SLC6A9: variants seen among roughly 807,000 people sequenced by gnomAD.
SLC6A9 encodes the protein solute carrier family 6 member 9.
Under a neutral mutation model 70.9 loss-of-function variants are expected in SLC6A9, and 31 were observed. The ratio of observed to expected loss-of-function variants is 0.44; its 90% confidence interval spans 0.33 to 0.59. SLC6A9 has a LOEUF of 0.59. SLC6A9 is among the 20% of genes least tolerant of loss of function. SLC6A9 has a pLI of 0.04. For missense variants in SLC6A9, 631 were observed against 845.2 expected, an observed-to-expected ratio of 0.75 and a Z score of 3.14; for synonymous variants, 310 against 341.3, an observed-to-expected ratio of 0.91 and a Z score of 1.01.
At chr1:44,000,041 T>C (rs1424670511) in intron 12 of SLC6A9, among the ~76,000 whole-genome samples, 1 of 152,264 alleles carries the variant, frequency 6.6e-6, no homozygotes, top group East Asian at 1.9e-4. Flanking sequence ...ATTGTGGCTC[T>C]GCCTCTTATT....
At chr1:44,016,057 C>A (rs2086730400) in intron 2 of SLC6A9, among the ~76,000 whole-genome samples, 1 of 152,228 alleles carries the variant, frequency 6.6e-6, no homozygotes. Flanking sequence ...AAGGGACCTG[C>A]CAATATTGTG....
rs553044879 is a variant in SLC6A9 at position 44,008,832 on chromosome 1, G to T, written c.320-209C>A. Among the ~76,000 whole-genome samples the T allele has an allele frequency of 2.0e-5, 3 of 150,876 alleles. No individual in the cohort carries two copies. The East Asian group carries it at 5.9e-4, about 30-fold the overall frequency. On this transcript the variant is annotated intron_variant, in intron 4 of 13. Transcript: ENST00000372310. ...CCTCCTGGGTTCATGCCATTCTCCT[G>T]CCTCAACCTACCGAGTAGCTGGGAC... is the stretch of plus-strand genomic sequence containing the variant.
intron 3 of SLC6A9, 107 bp downstream of exon 3, chr1:44,010,619 G>A (rs1472364609): frequency 3.4e-6 from 4 of 1,177,986 alleles, no homozygotes; most frequent in Non-Finnish European, 4.9e-6. Flanking sequence ...CAGGGCCAGA[G>A]GCCAGCCTTT....
intron 2 of SLC6A9, chr1:44,017,396 C>G: frequency 8.3e-7 from 1 of 1,201,604 alleles, no homozygotes; most frequent in South Asian, 1.8e-5. Context: ...CACACACACA[C>G]ACACACACAC....
At chr1:44,025,730 G>A (rs2086971027) in intron 1 of SLC6A9, among the ~76,000 whole-genome samples, 1 of 151,844 alleles carries the variant, frequency 6.6e-6, no homozygotes, top group Non-Finnish European at 1.5e-5. Flanking sequence ...AACCTGGGAG[G>A]CAGAGGTTGC....
At chr1:44,017,201 G>T (rs2086779817) in intron 2 of SLC6A9, 1 of 1,563,174 alleles carries the variant, frequency 6.4e-7, no homozygotes, top group African/African-American at 1.4e-5. Context: ...GGGCTGGGCA[G>T]CGTCAATTAC....
chr1:44,001,447 G>C lies in SLC6A9; in HGVS notation c.1143C>G (p.Ser381=). Residue 381 remains serine (S), a synonymous_variant, in exon 9 of 14, where the codon TCC becomes TCG. Transcript: ENST00000372310. ...AGAAGAAGAGCAGAGACCACAGCGG[G>C]GAGATGGGAAGTAGTGTGAGGGCCT... is the stretch of plus-strand genomic sequence containing the variant. ...YPEALTLLPI[S]PLWSLLFFFM... 6.2e-7 allele frequency: 1 copy of C among 1,614,166 alleles called. No individual in the cohort carries two copies. Among genetic ancestry groups the C allele is most frequent in the Non-Finnish European group, 8.5e-7 (1 of 1,180,006 alleles).
chr1:44,017,448 C>G, intron 2 of SLC6A9: 1 of 967,054 alleles, frequency 1.0e-6, no homozygotes, highest in Admixed American at 5.2e-5. Flanking sequence ...CTCACTCCCC[C>G]CACGGAGCTG....
At chr1:44,022,763 G>A (rs1052208672) in intron 2 of SLC6A9, among the ~76,000 whole-genome samples, 8 of 133,914 alleles carry the variant, frequency 6.0e-5, no homozygotes, top group Non-Finnish European at 1.1e-4. Flanking sequence ...CTATTGCCCA[G>A]GCTGGAGTGC....
At chr1:44,025,160 C>T (rs1362160080) in intron 1 of SLC6A9, among the ~76,000 whole-genome samples, 1 of 152,136 alleles carries the variant, frequency 6.6e-6, no homozygotes, top group Admixed American at 6.5e-5. Context: ...CTGTGCCCAG[C>T]ATGTAGCACA....
chr1:44,031,185 C>A (rs925621522), intron 1 of SLC6A9, 121 bp downstream of exon 1: 1 of 152,632 alleles, frequency 6.6e-6, no homozygotes, highest in Non-Finnish European at 1.5e-5. Flanking sequence ...CACACACACA[C>A]ACACACACAC....
chr1:44,006,958 C>G (rs2086341113), intron 5 of SLC6A9, among the ~76,000 whole-genome samples: 1 of 152,196 alleles, frequency 6.6e-6, no homozygotes. Flanking sequence ...CTTTCCATCA[C>G]ATGTGGAGAA....
At chr1:44,019,063 C>T (rs1361921389) in intron 2 of SLC6A9, among the ~76,000 whole-genome samples, 5 of 152,212 alleles carry the variant, frequency 3.3e-5, no homozygotes, top group South Asian at 2.1e-4. Context: ...ATTAACATGT[C>T]GGATCTCAGT....
chr1:44,013,155 T>C lies in SLC6A9; in HGVS notation c.31-2273A>G, dbSNP rs2154306374. ...CAGCTGTAAAAGGGACAACTGATGG[T>C]CCAGGATGGACCCATGGGCAGGGTA... On this transcript the variant is annotated intron_variant, in intron 2 of 13. Transcript: ENST00000372310. This position sits in a 1 kb window ranked among gnomAD's most constrained non-coding sequence, Gnocchi z 5.3. Among the ~76,000 whole-genome samples the C allele has an allele frequency of 6.6e-6, 1 of 152,294 alleles. No homozygotes were observed. The highest frequency in any genetic ancestry group is 1.9e-4 in the East Asian group (1 of 5,174).
chr1:44,002,269 G>A lies in SLC6A9; in HGVS notation c.962+44C>T. On this transcript the variant is annotated intron_variant, in intron 8 of 13. Transcript: ENST00000372310. The surrounding 1 kb of genome is among the most constrained non-coding windows in gnomAD (Gnocchi z 5.5). The stretch of plus-strand genomic sequence containing the variant: ...ACTGGAGCTGAGATCAGGCTGCAGA[G>A]AGTGCAGGAAGGGGGCAGCCTCAGC... 7.3e-7 allele frequency: 1 copy of A among 1,363,056 alleles called. No homozygotes were observed. Among genetic ancestry groups the A allele is most frequent in the Non-Finnish European group, 1.1e-6 (1 of 951,102 alleles). The allele number at this position is 1,363,056 out of a possible 1,614,324, so 84.4% of individuals were successfully genotyped here. A position where few individuals can be genotyped will look rare whatever the true frequency, so the allele number is the denominator to read the frequency against.
At chr1:44,001,361 G>T in intron 9 of SLC6A9, 29 bp downstream of exon 9, 1 of 1,613,024 alleles carries the variant, frequency 6.2e-7, no homozygotes, top group Non-Finnish European at 8.5e-7. Flanking sequence ...CCTTCCCCAA[G>T]CCTCCGGTCC....
chr1:44,020,867 ACT>A (rs1409091356), intron 2 of SLC6A9, among the ~76,000 whole-genome samples: 2 of 152,158 alleles, frequency 1.3e-5, no homozygotes, highest in Admixed American at 6.5e-5. Context: ...GGATTTGGAC[ACT>A]CTGGCACCCA....
intron 1 of SLC6A9, among the ~76,000 whole-genome samples, chr1:44,026,179 C>G (rs183771478): frequency 3.3e-5 from 5 of 152,334 alleles, no homozygotes; most frequent in Non-Finnish European, 7.3e-5. Context: ...TGGCTTTGGT[C>G]TTCTGGGGGC....
rs768215361 is a variant in SLC6A9, at chr1:44,001,032, C to T, written c.1359G>A (p.Leu453=). 5 of 1,581,042 alleles carry T rather than the reference C, an allele frequency of 3.2e-6. No individual in the cohort carries two copies. The highest frequency in any genetic ancestry group is 4.3e-6 in the Non-Finnish European group (5 of 1,162,322). ...AGAAGCTGGCCGCATAGTTGTCCAT[C>T]AGCAGCAGCCAATAGATGCCTGCCT... ...TSQAGIYWLL[L]MDNYAASFSL... is the part of the protein sequence containing the mutation. Residue 453 remains leucine (L), a synonymous_variant, in exon 11 of 14, where the codon CTG becomes CTA. Coordinates refer to ENST00000372310, the MANE Select transcript of SLC6A9 (RefSeq NM_001024845.3).
Sources: allele counts gnomAD v4.1 joint callset (sites outside exome capture counted in the v4.1 genomes callset), GRCh38; gene constraint gnomAD v4.1.1; non-coding constraint Gnocchi (gnomAD v3.1); transcripts MANE v1.5; gene names NCBI Gene and HGNC (gene_info 2026-07-23, HGNC 2026-07-21).